The following TRIM67 variants were observed in gnomAD, a reference collection of about 807,000 sequenced individuals.
TRIM67 encodes tripartite motif-containing protein 67.
A neutral mutation model predicts 71.0 loss-of-function variants in TRIM67; 39 were observed. The observed-to-expected ratio is 0.55, with a 90% CI of 0.43 to 0.72. The LOEUF is 0.72. TRIM67 is among the 30% of genes least tolerant of loss of function. TRIM67 has a pLI of 0.00. For synonymous variants in TRIM67, 481 were observed against 473.9 expected, an observed-to-expected ratio of 1.01 and a Z score of -0.19; for missense variants, 973 against 1,079.2, an observed-to-expected ratio of 0.90 and a Z score of 1.38.
At chr1:231,214,571 T>C (rs1028506102) in intron 9 of TRIM67, among the ~76,000 whole-genome samples, 1 of 148,914 alleles carries the variant, frequency 6.7e-6, no homozygotes, top group African/African-American at 2.5e-5. Context: ...GGTCAGGAGA[T>C]CGAGACCATC....
chr1:231,211,019 C>CGA (rs1683851961), intron 8 of TRIM67, among the ~76,000 whole-genome samples: 9 of 113,318 alleles, frequency 7.9e-5, no homozygotes, highest in African/African-American at 2.7e-4. Flanking sequence ...CTCCTCTCTA[C>CGA]CAAAAAAAAA....
intron 1 of TRIM67, among the ~76,000 whole-genome samples, chr1:231,169,991 C>CTTTTTTTTTT (rs1342320930): frequency 6.9e-5 from 9 of 130,244 alleles, no homozygotes; most frequent in East Asian, 2.1e-4. Flanking sequence ...TTTTCTTTCT[C>CTTTTTTTTTT]TCTTTTTTTT....
chr1:231,190,033 A>G (rs11122245), intron 1 of TRIM67, among the ~76,000 whole-genome samples: 39,683 of 152,024 alleles, frequency 0.26, 7,119 homozygotes, highest in African/African-American at 0.51. Flanking sequence ...AGAACCATAA[A>G]ATGATAAATT....
chr1:231,187,437 A>G (rs1165512323), intron 1 of TRIM67: 2 of 1,177,838 alleles, frequency 1.7e-6, no homozygotes, highest in African/African-American at 1.6e-5. Context: ...ATTTATTTCT[A>G]CTGTTCTGCC....
intron 2 of TRIM67, 140 bp from the exon 3 acceptor site, chr1:231,198,907 G>T: frequency 1.5e-6 from 2 of 1,340,140 alleles, no homozygotes; most frequent in Non-Finnish European, 1.0e-6. Context: ...TATAAATATT[G>T]TCTCTAATTT....
intron 1 of TRIM67, among the ~76,000 whole-genome samples, chr1:231,177,917 T>G (rs1401879307): frequency 6.6e-6 from 1 of 152,236 alleles, no homozygotes; most frequent in Non-Finnish European, 1.5e-5. Flanking sequence ...AACACTAAAA[T>G]GTATTCTAAT....
intron 1 of TRIM67, among the ~76,000 whole-genome samples, chr1:231,167,008 AC>A: frequency 6.6e-6 from 1 of 152,348 alleles, no homozygotes; most frequent in East Asian, 1.9e-4. Flanking sequence ...GTGACATGCC[AC>A]AGAATGTCAA....
intron 1 of TRIM67, among the ~76,000 whole-genome samples, chr1:231,188,640 A>G (rs1432012805): frequency 6.6e-6 from 1 of 152,184 alleles, no homozygotes; most frequent in African/African-American, 2.4e-5. Context: ...TCCTGGCCAC[A>G]CTACTTACTA....
At chr1:231,176,854 G>T (rs555575187) in intron 1 of TRIM67, among the ~76,000 whole-genome samples, 28 of 122,666 alleles carry the variant, frequency 2.3e-4, no homozygotes, top group Admixed American at 5.8e-4. Flanking sequence ...TAATCTTTTT[G>T]AATTTTCTTG....
rs116450063 is a variant in TRIM67, at chr1:231,179,231, G to A, written c.1044+15218G>A. On this transcript the variant is annotated intron_variant, in intron 1 of 9. Coordinates refer to ENST00000366653, the MANE Select transcript of TRIM67 (RefSeq NM_001004342.5). ...TGTCCCAGCTTGTGGTGGCTCCTTGGCTTGTGGCAGCAGAAGTCTAATCTC... is the reference window on the plus strand; with the variant it reads ...TGTCCCAGCTTGTGGTGGCTCCTTGACTTGTGGCAGCAGAAGTCTAATCTC... Among the ~76,000 whole-genome samples the A allele has an allele frequency of 9.1e-3, 1,390 of 152,322 alleles. 21 individuals carry two copies. Among genetic ancestry groups the A allele is most frequent in the African/African-American group, 0.031 (1,302 of 41,566 alleles).
chr1:231,182,697 T>C (rs1273285876), intron 1 of TRIM67, among the ~76,000 whole-genome samples: 1 of 152,206 alleles, frequency 6.6e-6, no homozygotes, highest in Non-Finnish European at 1.5e-5. Context: ...GGGTACCGGC[T>C]CTGCCACTGT....
Position 231,219,230 on chromosome 1 carries a change from A to T in TRIM67, c.*3790A>T. On this transcript the variant is annotated 3_prime_UTR_variant, in exon 10 of 10. Transcript: ENST00000366653. ...TGCGATAGGTTCTGTATGCCGTAGGATGTTTAGCAACATCCCTGGTCTCTA... is the reference window on the plus strand; with the variant it reads ...TGCGATAGGTTCTGTATGCCGTAGGTTGTTTAGCAACATCCCTGGTCTCTA... 1.0e-6 allele frequency: 1 copy of T among 984,062 alleles called. No homozygotes were observed. Among genetic ancestry groups the T allele is most frequent in the South Asian group, 4.7e-5 (1 of 21,250 alleles). The allele number at this position is 984,062 out of a possible 1,614,324, so 61.0% of individuals were successfully genotyped here.
In TRIM67 at chr1:231,219,362, G is replaced by A. The variant is rs1029088178; in HGVS notation, c.*3922G>A. Reference sequence around the variant, plus strand: ...GCCTCCACAAGTTGAGAACCACCAGGTTATGCCAGTGGTTTGTCATGCATG... The same window carrying A: ...GCCTCCACAAGTTGAGAACCACCAGATTATGCCAGTGGTTTGTCATGCATG... On this transcript the variant is annotated 3_prime_UTR_variant, in exon 10 of 10. Coordinates refer to ENST00000366653, the MANE Select transcript of TRIM67 (RefSeq NM_001004342.5). 1.0e-4 allele frequency: 100 copies of A among 987,598 alleles called. No individual in the cohort carries two copies. The highest frequency in any genetic ancestry group is 1.2e-4 in the Non-Finnish European group (97 of 831,518). The allele number at this position is 987,598 out of a possible 1,614,324, so 61.2% of individuals were successfully genotyped here.
chr1:231,207,124 C>T (rs1487995012), intron 7 of TRIM67, among the ~76,000 whole-genome samples: 1 of 152,186 alleles, frequency 6.6e-6, no homozygotes, highest in South Asian at 2.1e-4. Context: ...GCTGCACCCA[C>T]ATGGCCTACA....
Position 231,163,266 on chromosome 1 carries a change from G to C in TRIM67, c.297G>C (p.Ala99=), listed in dbSNP as rs1279920430. The change falls in exon 1 of 10, where the codon GCG becomes GCC. Residue 99 remains alanine (A), a synonymous_variant. Coordinates refer to ENST00000366653, the MANE Select transcript of TRIM67 (RefSeq NM_001004342.5). ...GGGAGGGGDH[A]DKLSLYSETD... is the part of the protein sequence containing the mutation. ...GTGCGGGAGGTGGCGGAGACCACGCGGACAAGCTCAGCTTGTACAGCGAGA... is the reference window on the plus strand; with the variant it reads ...GTGCGGGAGGTGGCGGAGACCACGCCGACAAGCTCAGCTTGTACAGCGAGA... 2 of 1,514,496 alleles carry C rather than the reference G, an allele frequency of 1.3e-6. No individual in the cohort carries two copies. The highest frequency in any genetic ancestry group is 4.2e-5 in the Admixed American group (2 of 47,376). The allele number at this position is 1,514,496 out of a possible 1,614,324, so 93.8% of individuals were successfully genotyped here.
intron 1 of TRIM67, chr1:231,185,943 G>A (rs778416177): frequency 1.4e-5 from 10 of 692,636 alleles, no homozygotes; most frequent in Admixed American, 2.4e-5. Flanking sequence ...TGTGATAAAC[G>A]GCCGTGACAG....
At chr1:231,164,654 A>G (rs1379627099) in intron 1 of TRIM67, among the ~76,000 whole-genome samples, 1 of 152,232 alleles carries the variant, frequency 6.6e-6, no homozygotes, top group African/African-American at 2.4e-5. Flanking sequence ...GGAACTTCAG[A>G]CACCAATTAT....
intron 1 of TRIM67, among the ~76,000 whole-genome samples, chr1:231,172,114 A>T (rs1367495944): frequency 6.6e-6 from 1 of 152,182 alleles, no homozygotes; most frequent in Non-Finnish European, 1.5e-5. Context: ...ACAAACCAAC[A>T]AAAACGGCCC....
chr1:231,186,680 T>A (rs1213570181), intron 1 of TRIM67, among the ~76,000 whole-genome samples: 1 of 152,180 alleles, frequency 6.6e-6, no homozygotes, highest in African/African-American at 2.4e-5. Flanking sequence ...TCTAACTGAA[T>A]CATCTCTTCA....
Sources: gnomAD v4.1 joint callset for allele counts (sites outside exome capture counted in the v4.1 genomes callset) on GRCh38, gnomAD v4.1.1 for gene constraint, MANE v1.5 for transcripts, NCBI Gene and HGNC (gene_info 2026-07-23, HGNC 2026-07-21) for gene names.